ZNF134: variants seen among roughly 807,000 people sequenced by gnomAD.
The protein encoded by ZNF134 is zinc finger protein 134.
A neutral mutation model predicts 2.5 loss-of-function variants in ZNF134; 5 were observed. The ratio of observed to expected loss-of-function variants is 2.03; its 90% CI spans 1.06 to 4.27. The LOEUF (loss-of-function observed/expected upper bound fraction) is 4.27, where lower values mean the gene tolerates loss of function less well. Among genes scored for constraint, ZNF134 ranks in the 30% most tolerant of loss-of-function variants. ZNF134 has a pLI of 0.00. For synonymous variants in ZNF134, 176 were observed against 176.2 expected (o/e 1.00, Z 0.01); for missense variants, 540 against 517.5 (o/e 1.04, Z -0.42).
intron 1 of ZNF134, among the ~76,000 whole-genome samples, chr19:57,617,329 C>T (rs1981082179): frequency 6.6e-6 from 1 of 152,188 alleles, no homozygotes; most frequent in Non-Finnish European, 1.5e-5. Context: ...CAGGTTGGAC[C>T]AGAGTGGTCG....
Position 57,623,960 on chromosome 19 carries a change from T to C in ZNF134, c.*2557T>C, listed in dbSNP as rs1755917620. Reference sequence around the variant, plus strand: ...AGTATGAAGTTAAAGGGTGTAGGCATGTAAAGTGTGAAGTTAAAGGTTGTA... The same window carrying C: ...AGTATGAAGTTAAAGGGTGTAGGCACGTAAAGTGTGAAGTTAAAGGTTGTA... On this transcript the variant is annotated 3_prime_UTR_variant, in exon 3 of 3. Coordinates refer to ENST00000396161, the MANE Select transcript of ZNF134 (RefSeq NM_003435.5). 1 of 152,208 alleles carries C rather than the reference T, an allele frequency of 6.6e-6. No homozygotes were observed. The highest frequency in any genetic ancestry group is 6.5e-5 in the Admixed American group (1 of 15,284). 9.4% of individuals were successfully genotyped at this position (152,208 alleles called of 1,614,324 possible).
intron 1 of ZNF134, among the ~76,000 whole-genome samples, chr19:57,614,858 A>G (rs1439557779): frequency 6.6e-6 from 1 of 152,050 alleles, no homozygotes; most frequent in Non-Finnish European, 1.5e-5. Context: ...GAAACCGACT[A>G]CAGTGAGGTA....
chr19:57,621,347 A>C lies in ZNF134; in HGVS notation c.1228A>C (p.Ser410Arg). The change falls in exon 3 of 3, where the codon AGC becomes CGC. Residue 410 changes from serine (S) to arginine (R), a missense_variant. By Grantham distance (110) the Ser-to-Arg change is moderately radical (BLOSUM62 -1). Transcript: ENST00000396161. ...GTGCAGTGAATGTGGGAAGGCCTAC[A>C]GCTTAAGCTCCCACCTCAATCGGCA... ...YECSECGKAY[S>R]LSSHLNRHQK... 1 of 1,614,150 alleles carries C rather than the reference A, an allele frequency of 6.2e-7. No homozygotes were observed. Among genetic ancestry groups the C allele is most frequent in the South Asian group, 1.1e-5 (1 of 91,080 alleles).
rs779584214 is a variant in ZNF134 at position 57,623,859 on chromosome 19, G to A, written c.*2456G>A. On this transcript the variant is annotated 3_prime_UTR_variant, in exon 3 of 3. Coordinates refer to ENST00000396161, the MANE Select transcript of ZNF134 (RefSeq NM_003435.5). ...TTCTAATGTTGTGAATTTCAGTGAT[G>A]TACAGGAGACTCACAAAATTCTTGA... The A allele has an allele frequency of 5.9e-5, 9 of 152,346 alleles. No individual in the cohort carries two copies. The East Asian group carries it at 1.5e-3, about 26-fold the overall frequency. 9.4% of individuals were successfully genotyped at this position (152,346 alleles called of 1,614,324 possible). A position where few individuals can be genotyped will look rare whatever the true frequency, so the allele number is the denominator to read the frequency against.
At chr19:57,616,894 C>T (rs1981065503) in intron 1 of ZNF134, among the ~76,000 whole-genome samples, 1 of 152,132 alleles carries the variant, frequency 6.6e-6, no homozygotes, top group African/African-American at 2.4e-5. Context: ...CTTCAGTGTC[C>T]CTTCTGCCTA....
chr19:57,624,159 T>C lies in ZNF134; in HGVS notation c.*2756T>C, dbSNP rs1450364324. 1.3e-5 allele frequency: 2 copies of C among 152,720 alleles called. No individual in the cohort carries two copies. Among genetic ancestry groups the C allele is most frequent in the South Asian group, 2.1e-4 (1 of 4,838 alleles). The allele number at this position is 152,720 out of a possible 1,614,324, so 9.5% of individuals were successfully genotyped here. ...TTGCCAAACTAGATTTCAGATTTTC[T>C]TGGGATTGGTGGTTCCATTTTTTTT... On this transcript the variant is annotated 3_prime_UTR_variant, in exon 3 of 3. Transcript: ENST00000396161.
chr19:57,621,593 A>G lies in ZNF134; in HGVS notation c.*190A>G, dbSNP rs747250891. 1.0e-5 allele frequency: 9 copies of G among 884,386 alleles called. No homozygotes were observed. Among genetic ancestry groups the G allele is most frequent in the Admixed American group, 5.1e-5 (3 of 58,910 alleles). The allele number at this position is 884,386 out of a possible 1,614,324, so 54.8% of individuals were successfully genotyped here. ...CAATCCATGTGGCCGAAACCATCTT[A>G]ACTCTACCAGCTAAGATACCCCAGC... On this transcript the variant is annotated 3_prime_UTR_variant, in exon 3 of 3. Transcript: ENST00000396161.
intron 2 of ZNF134, among the ~76,000 whole-genome samples, chr19:57,619,895 C>A (rs1202090564): frequency 6.6e-6 from 1 of 152,224 alleles, no homozygotes; most frequent in African/African-American, 2.4e-5. Flanking sequence ...CAGCCAAGGT[C>A]CTGCTAAAAG....
In ZNF134 at chr19:57,617,339, G is replaced by A. The variant is rs570964031; in HGVS notation, c.-57-2073G>A. ...CAGTTCAGGTTGGACCAGAGTGGTC[G>A]CTGTAGAGGTGGGAGATGTGGATGG... is the stretch of plus-strand genomic sequence containing the variant. On this transcript the variant is annotated intron_variant, in intron 1 of 2. Coordinates refer to ENST00000396161, the MANE Select transcript of ZNF134 (RefSeq NM_003435.5). Among the ~76,000 whole-genome samples, 72 of 152,352 alleles carry A rather than the reference G, an allele frequency of 4.7e-4. 1 individual carries two copies. Among genetic ancestry groups the A allele is most frequent in the African/African-American group, 1.6e-3 (68 of 41,584 alleles).
rs1314297601 is a variant in ZNF134, at chr19:57,621,082, T to C, written c.963T>C (p.Cys321=). 3.1e-6 allele frequency: 5 copies of C among 1,614,212 alleles called. No homozygotes were observed. In the South Asian group the frequency reaches 4.4e-5, roughly 14 times the overall value. The change falls in exon 3 of 3, where the codon TGT becomes TGC. Residue 321 remains cysteine, a synonymous_variant. Coordinates refer to ENST00000396161, the MANE Select transcript of ZNF134 (RefSeq NM_003435.5). The stretch of plus-strand genomic sequence containing the variant: ...AAAATCCTTATGATTGCAGTGATTG[T>C]GGGAAATCCTTTGGCCACAAATACA... ...TGENPYDCSD[C]GKSFGHKYTL...
rs1223827539 is a variant in ZNF134 at position 57,623,117 on chromosome 19, A to G, written c.*1714A>G. ...CAGAATCCCTAGGCAACCACTGAGT[A>G]GTTTTCACTGTAGGTAAATTTGTCT... On this transcript the variant is annotated 3_prime_UTR_variant, in exon 3 of 3. Coordinates refer to ENST00000396161, the MANE Select transcript of ZNF134 (RefSeq NM_003435.5). The G allele has an allele frequency of 6.6e-6, 1 of 152,138 alleles. No homozygotes were observed. The highest frequency in any genetic ancestry group is 1.9e-4 in the East Asian group (1 of 5,192). The allele number at this position is 152,138 out of a possible 1,614,324, so 9.4% of individuals were successfully genotyped here. A position where few individuals can be genotyped will look rare whatever the true frequency, so the allele number is the denominator to read the frequency against.
At chr19:57,614,665 G>C (rs1331273019) in intron 1 of ZNF134, among the ~76,000 whole-genome samples, 162 bp downstream of exon 1, 1 of 152,190 alleles carries the variant, frequency 6.6e-6, no homozygotes, top group East Asian at 1.9e-4. Flanking sequence ...CTGAGCATAG[G>C]TTTGGAGCTG....
Position 57,621,346 on chromosome 19 carries a change from C to T in ZNF134, c.1227C>T (p.Tyr409=), listed in dbSNP as rs77902712. The change falls in exon 3 of 3, where the codon TAC becomes TAT. Residue 409 remains tyrosine, a synonymous_variant. Coordinates refer to ENST00000396161, the MANE Select transcript of ZNF134 (RefSeq NM_003435.5). ...PYECSECGKA[Y]SLSSHLNRHQ... is the part of the protein sequence containing the mutation. ...AGTGCAGTGAATGTGGGAAGGCCTA[C>T]AGCTTAAGCTCCCACCTCAATCGGC... The T allele has an allele frequency of 7.1e-5, 115 of 1,614,118 alleles. 1 individual carries two copies. The East Asian group carries it at 2.4e-3, about 33-fold the overall frequency.
intron 2 of ZNF134, among the ~76,000 whole-genome samples, chr19:57,619,799 A>G (rs1981145740): frequency 6.6e-6 from 1 of 152,376 alleles, no homozygotes; most frequent in Middle Eastern, 3.4e-3. Context: ...ATCTGTAAAT[A>G]GTCCCTGAAC....
chr19:57,618,746 A>T (rs1359732872), intron 1 of ZNF134: 6 of 152,480 alleles, frequency 3.9e-5, no homozygotes, highest in Non-Finnish European at 8.8e-5. Flanking sequence ...TCCACCTCAC[A>T]CAGGGCTATG....
At chr19:57,615,574 A>G (rs931973159) in intron 1 of ZNF134, among the ~76,000 whole-genome samples, 5 of 152,126 alleles carry the variant, frequency 3.3e-5, no homozygotes, top group Non-Finnish European at 7.3e-5. Context: ...GCCTGTGTTA[A>G]TCACGATCCC....
chr19:57,623,783 A>G lies in ZNF134; in HGVS notation c.*2380A>G, dbSNP rs376438080. The G allele has an allele frequency of 1.3e-5, 2 of 152,226 alleles. No individual in the cohort carries two copies. The highest frequency in any genetic ancestry group is 2.9e-5 in the Non-Finnish European group (2 of 68,044). The allele number at this position is 152,226 out of a possible 1,614,324, so 9.4% of individuals were successfully genotyped here. A position where few individuals can be genotyped will look rare whatever the true frequency, so the allele number is the denominator to read the frequency against. On this transcript the variant is annotated 3_prime_UTR_variant, in exon 3 of 3. Coordinates refer to ENST00000396161, the MANE Select transcript of ZNF134 (RefSeq NM_003435.5). ...ACTATCACTCATCTCAGCAAAAGCC[A>G]AAAATATAGATAGGGGATTCCCTAG...
rs1278939967 is a variant in ZNF134 at position 57,619,436 on chromosome 19, A to G, written c.-33A>G. ...GATCCTCTGTGGTTGTTGAATTGTA[A>G]CAAGAGAGAGAACTCTGGCTGCCTG... On this transcript the variant is annotated 5_prime_UTR_variant, in exon 2 of 3. Transcript: ENST00000396161. The G allele has an allele frequency of 6.3e-7, 1 of 1,592,740 alleles. No individual in the cohort carries two copies. The highest frequency in any genetic ancestry group is 8.6e-7 in the Non-Finnish European group (1 of 1,169,256).
chr19:57,621,490 C>T lies in ZNF134; in HGVS notation c.*87C>T. On this transcript the variant is annotated 3_prime_UTR_variant, in exon 3 of 3. Transcript: ENST00000396161. The stretch of plus-strand genomic sequence containing the variant: ...GACACAAAGGAGATACCTTATGGTG[C>T]CAGGTACGTGGGAACCTTCTAGGGA... 1 of 1,585,404 alleles carries T rather than the reference C, an allele frequency of 6.3e-7. No homozygotes were observed.
Sources: gnomAD v4.1 joint callset for allele counts (sites outside exome capture counted in the v4.1 genomes callset) on GRCh38, gnomAD v4.1.1 for gene constraint, MANE v1.5 for transcripts, NCBI Gene and HGNC (gene_info 2026-07-23, HGNC 2026-07-21) for gene names.